KCNQ5: variants seen among roughly 807,000 people sequenced by gnomAD.
KCNQ5 encodes potassium voltage-gated channel subfamily Q member 5, also known as potassium voltage-gated channel subfamily KQT member 5.
A neutral mutation model predicts 98.2 loss-of-function variants in KCNQ5; 30 were observed. The ratio of observed to expected loss-of-function variants is 0.31; its 90% CI spans 0.23 to 0.41. KCNQ5 has a LOEUF of 0.41. KCNQ5 is among the 10% of genes least tolerant of loss of function. The pLI, the probability that KCNQ5 is intolerant of heterozygous loss-of-function variation, is 1.00. For missense variants in KCNQ5, 835 were observed against 1,182.5 expected, an observed-to-expected ratio of 0.71 and a Z score of 4.31; for synonymous variants, 458 against 449.4, an observed-to-expected ratio of 1.02 and a Z score of -0.24.
At chr6:73,014,448 C>T (rs1393242058) in intron 2 of KCNQ5, among the ~76,000 whole-genome samples, 1 of 152,080 alleles carries the variant, frequency 6.6e-6, no homozygotes, top group Non-Finnish European at 1.5e-5. Context: ...CCTGTACCCT[C>T]CTGCTGTGTT....
chr6:72,813,688 G>T (rs972341133), intron 1 of KCNQ5, among the ~76,000 whole-genome samples: 13 of 152,094 alleles, frequency 8.5e-5, no homozygotes, highest in African/African-American at 3.1e-4. Flanking sequence ...TTAAGTCCCC[G>T]ATATAAAATA....
intron 1 of KCNQ5, among the ~76,000 whole-genome samples, chr6:72,830,607 G>T (rs113991546): frequency 6.6e-6 from 1 of 152,136 alleles, no homozygotes. Flanking sequence ...AGACTTAAAT[G>T]TTAGACCTAA....
At chr6:73,185,772 G>A (rs1351824236) in intron 11 of KCNQ5, among the ~76,000 whole-genome samples, 1 of 152,170 alleles carries the variant, frequency 6.6e-6, no homozygotes, top group Non-Finnish European at 1.5e-5. Context: ...GAGGTAATAT[G>A]CCCTTACTTG....
intron 1 of KCNQ5, among the ~76,000 whole-genome samples, chr6:72,794,595 T>A (rs1025716457): frequency 6.6e-6 from 1 of 152,214 alleles, no homozygotes; most frequent in African/African-American, 2.4e-5. Context: ...TATATAACAT[T>A]TCAGGGGTGC....
intron 2 of KCNQ5, among the ~76,000 whole-genome samples, chr6:73,027,623 A>G (rs1273144217): frequency 1.3e-5 from 2 of 152,200 alleles, no homozygotes; most frequent in Admixed American, 6.5e-5. Context: ...TTAAATGCAA[A>G]TAAGTGCTAT....
chr6:73,079,333 A>G (rs1026476028), intron 5 of KCNQ5, among the ~76,000 whole-genome samples: 5 of 152,208 alleles, frequency 3.3e-5, no homozygotes, highest in Admixed American at 2.6e-4. Flanking sequence ...TGAGTTCTAG[A>G]TTGTTGCCAA....
chr6:72,910,076 G>A (rs572231659), intron 1 of KCNQ5, among the ~76,000 whole-genome samples: 1 of 152,204 alleles, frequency 6.6e-6, no homozygotes, highest in South Asian at 2.1e-4. Flanking sequence ...ATGCAACTCA[G>A]TTATTTTTTT....
At chr6:72,703,423 T>G (rs1768925856) in intron 1 of KCNQ5, among the ~76,000 whole-genome samples, 1 of 152,236 alleles carries the variant, frequency 6.6e-6, no homozygotes, top group South Asian at 2.1e-4. Context: ...TTTGTTTGTT[T>G]TGTTTTTGTT....
At chr6:72,757,149 C>T (rs1316133482) in intron 1 of KCNQ5, among the ~76,000 whole-genome samples, 2 of 151,998 alleles carry the variant, frequency 1.3e-5, no homozygotes, top group Admixed American at 1.3e-4. Context: ...AAGACAAATG[C>T]GATGGGCTGT....
chr6:72,969,494 TAG>T (rs1254691113), intron 1 of KCNQ5, among the ~76,000 whole-genome samples: 2 of 152,160 alleles, frequency 1.3e-5, no homozygotes, highest in Non-Finnish European at 2.9e-5. Flanking sequence ...CTCCCCTAGG[TAG>T]AGTTTTCCAA....
At chr6:73,133,733 G>C in intron 10 of KCNQ5, 92 bp downstream of exon 10, 1 of 1,121,964 alleles carries the variant, frequency 8.9e-7, no homozygotes, top group Non-Finnish European at 1.3e-6. Flanking sequence ...GCCACTTGAA[G>C]AAAGAAGAAA....
chr6:73,123,051 T>C (rs1243887225), intron 8 of KCNQ5, among the ~76,000 whole-genome samples: 1 of 151,970 alleles, frequency 6.6e-6, no homozygotes, highest in East Asian at 1.9e-4. Context: ...CATGTATGCA[T>C]TCAACAATTA....
chr6:72,939,314 T>G (rs1178822104), intron 1 of KCNQ5, among the ~76,000 whole-genome samples: 1 of 152,166 alleles, frequency 6.6e-6, no homozygotes, highest in Non-Finnish European at 1.5e-5. Flanking sequence ...CCACCACAGC[T>G]GGGGGCTCTC....
intron 1 of KCNQ5, among the ~76,000 whole-genome samples, chr6:72,996,264 C>T (rs1359264654): frequency 1.3e-5 from 2 of 152,180 alleles, no homozygotes; most frequent in African/African-American, 2.4e-5. Flanking sequence ...GTCCCAAATT[C>T]ACCTTTGAGC....
chr6:72,737,047 T>A (rs1770886783), intron 1 of KCNQ5, among the ~76,000 whole-genome samples: 1 of 150,588 alleles, frequency 6.6e-6, no homozygotes, highest in Non-Finnish European at 1.5e-5. Flanking sequence ...TGCAACCTCC[T>A]CCTCCCGGGT....
chr6:73,159,331 C>T (rs1777520331), intron 10 of KCNQ5, among the ~76,000 whole-genome samples: 1 of 152,162 alleles, frequency 6.6e-6, no homozygotes, highest in African/African-American at 2.4e-5. Context: ...GAAAAACACA[C>T]ACTGAGGCCT....
chr6:72,834,352 T>C (rs1264978190), intron 1 of KCNQ5, among the ~76,000 whole-genome samples: 1 of 152,152 alleles, frequency 6.6e-6, no homozygotes, highest in African/African-American at 2.4e-5. Context: ...CAATTCTCAT[T>C]CCCATTCCAG....
At chr6:73,054,505 A>G (rs1356402314) in intron 3 of KCNQ5, among the ~76,000 whole-genome samples, 1 of 152,120 alleles carries the variant, frequency 6.6e-6, no homozygotes, top group Admixed American at 6.6e-5. Flanking sequence ...ACTATCAAGG[A>G]GGCTTCGTCC....
chr6:73,069,778 A>G (rs996800986), intron 3 of KCNQ5, among the ~76,000 whole-genome samples: 8 of 152,174 alleles, frequency 5.3e-5, no homozygotes, highest in African/African-American at 1.7e-4. Context: ...AGCACTTTGA[A>G]TGCCAGGTAG....
Sources: allele counts gnomAD v4.1 joint callset (sites outside exome capture counted in the v4.1 genomes callset), GRCh38; gene constraint gnomAD v4.1.1; transcripts MANE v1.5; gene names NCBI Gene and HGNC (gene_info 2026-07-23, HGNC 2026-07-21).